The following GNAQ variants were observed in gnomAD, a reference collection of about 807,000 sequenced individuals.
GNAQ encodes guanine nucleotide-binding protein G(q) subunit alpha.
GNAQ carries 8 observed loss-of-function variants against 43.9 expected under a neutral mutation model. The ratio of observed to expected loss-of-function variants is 0.18; its 90% CI spans 0.11 to 0.33. GNAQ has a LOEUF of 0.33. Among genes scored for constraint, GNAQ ranks in the 10% least tolerant of loss-of-function variants. The pLI is 1.00. For missense variants in GNAQ, 158 were observed against 450.8 expected (o/e 0.35, Z 5.88); for synonymous variants, 155 against 170.7 (o/e 0.91, Z 0.71).
intron 5 of GNAQ, among the ~76,000 whole-genome samples, chr9:77,751,862 ATTAATTC>A (rs1825818599): frequency 6.6e-6 from 1 of 152,232 alleles, no homozygotes; most frequent in South Asian, 2.1e-4. Context: ...AAGTTACTAT[ATTAATTC>A]TAACTTCTAA....
In GNAQ at chr9:77,721,177, T is replaced by C; in HGVS notation, c.*146A>G. 1 of 560,718 alleles carries C rather than the reference T, an allele frequency of 1.8e-6. No individual in the cohort carries two copies. Among genetic ancestry groups the C allele is most frequent in the East Asian group, 3.0e-5 (1 of 33,268 alleles). 34.7% of individuals were successfully genotyped at this position (560,718 alleles called of 1,614,324 possible). On this transcript the variant is annotated 3_prime_UTR_variant, in exon 7 of 7. Transcript: ENST00000286548. ...GTTTAAATAAAATCATAATATTTAC[T>C]ACAAACTCTGTGGACACGCTCACAC...
At chr9:77,920,953 T>C (rs1828986821) in intron 2 of GNAQ, among the ~76,000 whole-genome samples, 1 of 152,218 alleles carries the variant, frequency 6.6e-6, no homozygotes, top group African/African-American at 2.4e-5. Context: ...TGGGTTCACT[T>C]TGTGAGTTAA....
intron 2 of GNAQ, among the ~76,000 whole-genome samples, chr9:77,873,061 G>T (rs1206369067): frequency 6.6e-6 from 1 of 152,212 alleles, no homozygotes; most frequent in Admixed American, 6.5e-5. Flanking sequence ...GTATTGGAAA[G>T]TATAATACAA....
At chr9:77,795,310 C>T (rs897592312) in intron 4 of GNAQ, among the ~76,000 whole-genome samples, 4 of 152,174 alleles carry the variant, frequency 2.6e-5, no homozygotes, top group Non-Finnish European at 4.4e-5. Context: ...TGCTGAATTA[C>T]TGCTCAGAAA....
At chr9:77,778,474 G>A (rs1252198588) in intron 5 of GNAQ, among the ~76,000 whole-genome samples, 1 of 151,766 alleles carries the variant, frequency 6.6e-6, no homozygotes, top group East Asian at 1.9e-4. Context: ...ATATAAAATG[G>A]TCAGTTAAAA....
At chr9:77,852,046 A>G (rs1460030290) in intron 2 of GNAQ, among the ~76,000 whole-genome samples, 3 of 152,192 alleles carry the variant, frequency 2.0e-5, no homozygotes, top group African/African-American at 7.2e-5. Context: ...ATTATTTGTA[A>G]TGGGGATCAA....
chr9:77,749,973 T>G (rs904134710), intron 5 of GNAQ, among the ~76,000 whole-genome samples: 1 of 152,170 alleles, frequency 6.6e-6, no homozygotes, highest in South Asian at 2.1e-4. Context: ...TAGACTGTTT[T>G]ATTCTCAATT....
chr9:77,928,793 G>A (rs1829104992), intron 1 of GNAQ, among the ~76,000 whole-genome samples: 1 of 152,204 alleles, frequency 6.6e-6, no homozygotes, highest in African/African-American at 2.4e-5. Flanking sequence ...GCCAAGGTGG[G>A]CAGATCACTT....
At chr9:77,990,211 CTTTTA>C (rs758717727) in intron 1 of GNAQ, among the ~76,000 whole-genome samples, 53 of 152,180 alleles carry the variant, frequency 3.5e-4, no homozygotes, top group Admixed American at 8.5e-4. Context: ...GAAAATTGAT[CTTTTA>C]TTTTATTGTA....
chr9:77,880,995 C>T (rs761260537), intron 2 of GNAQ, among the ~76,000 whole-genome samples: 4 of 152,122 alleles, frequency 2.6e-5, no homozygotes, highest in African/African-American at 4.8e-5. Context: ...GACCACAGCA[C>T]GTCCCTGCCA....
intron 2 of GNAQ, among the ~76,000 whole-genome samples, chr9:77,907,365 C>T (rs558971091): frequency 1.3e-5 from 2 of 152,100 alleles, no homozygotes; most frequent in South Asian, 4.2e-4. Flanking sequence ...CCCAGAACAG[C>T]AGGAAAGGAG....
intron 5 of GNAQ, among the ~76,000 whole-genome samples, chr9:77,776,485 T>C (rs1316221478): frequency 2.6e-5 from 4 of 152,056 alleles, no homozygotes; most frequent in Admixed American, 2.6e-4. Context: ...TAAGTACATA[T>C]AATAAAGGTT....
chr9:77,964,646 A>G (rs1358375077), intron 1 of GNAQ, among the ~76,000 whole-genome samples: 1 of 150,614 alleles, frequency 6.6e-6, no homozygotes, highest in Non-Finnish European at 1.5e-5. Context: ...AAATCTCCAA[A>G]TATCTGCAAA....
intron 5 of GNAQ, among the ~76,000 whole-genome samples, chr9:77,766,016 T>C (rs895369314): frequency 6.6e-6 from 1 of 152,204 alleles, no homozygotes; most frequent in Non-Finnish European, 1.5e-5. Flanking sequence ...TCCAGTTATA[T>C]GAGGTACACA....
chr9:77,948,516 AG>A (rs556631295), intron 1 of GNAQ, among the ~76,000 whole-genome samples: 1 of 151,942 alleles, frequency 6.6e-6, no homozygotes, highest in Non-Finnish European at 1.5e-5. Context: ...GAGGACACAG[AG>A]GGGGGGCAGA....
chr9:77,801,394 A>G (rs1465305230), intron 3 of GNAQ, among the ~76,000 whole-genome samples: 1 of 152,224 alleles, frequency 6.6e-6, no homozygotes, highest in Admixed American at 6.5e-5. Flanking sequence ...ACAGAGAATG[A>G]CAACAACAGC....
At chr9:78,024,591 G>C (rs533298557) in intron 1 of GNAQ, among the ~76,000 whole-genome samples, 35 of 152,098 alleles carry the variant, frequency 2.3e-4, no homozygotes, top group Admixed American at 2.3e-3. Flanking sequence ...AGATTATTTT[G>C]TCTCTTTCTG....
intron 3 of GNAQ, among the ~76,000 whole-genome samples, chr9:77,801,919 A>C (rs1221352593): frequency 2.0e-5 from 3 of 152,138 alleles, no homozygotes; most frequent in Non-Finnish European, 4.4e-5. Flanking sequence ...TCACACCTAT[A>C]ATCCTAGCAC....
intron 5 of GNAQ, among the ~76,000 whole-genome samples, chr9:77,762,842 G>A (rs1826072800): frequency 2.0e-5 from 3 of 152,194 alleles, no homozygotes; most frequent in Admixed American, 1.3e-4. Flanking sequence ...GTCCACTCAG[G>A]GTTAAATGGA....
Sources: allele counts gnomAD v4.1 joint callset (sites outside exome capture counted in the v4.1 genomes callset), GRCh38; gene constraint gnomAD v4.1.1; transcripts MANE v1.5; gene names NCBI Gene and HGNC (gene_info 2026-07-23, HGNC 2026-07-21).